The following RNF213 variants were observed in gnomAD, a reference collection of about 807,000 sequenced individuals.
RNF213 encodes E3 ubiquitin-protein ligase RNF213.
In RNF213, 341 loss-of-function variants were observed where a neutral mutation model predicts 514.4. The ratio of observed to expected loss-of-function variants is 0.66; its 90% CI spans 0.61 to 0.73. The LOEUF is 0.73. Ranked by LOEUF, RNF213 falls within the 30% of genes least tolerant of loss-of-function variation. The pLI is 0.00. For synonymous variants in RNF213, 2,655 were observed against 2,658.2 expected, an observed-to-expected ratio of 1.00 and a Z score of 0.04; for missense variants, 5,767 against 6,615.6, an observed-to-expected ratio of 0.87 and a Z score of 4.45.
chr17:80,384,925 A>T, intron 59 of RNF213, 114 bp from the exon 60 acceptor site: 1 of 1,115,370 alleles, frequency 9.0e-7, no homozygotes, highest in Non-Finnish European at 1.3e-6. Flanking sequence ...AGGAAATGAC[A>T]CTGACCAGAT....
chr17:80,383,457 G>A (rs2080104388), intron 58 of RNF213, among the ~76,000 whole-genome samples: 1 of 152,136 alleles, frequency 6.6e-6, no homozygotes, highest in Non-Finnish European at 1.5e-5. Flanking sequence ...GTTAGTAAGA[G>A]AAATATAGGT....
rs544573928 is a variant in RNF213 at position 80,359,639 on chromosome 17, GAGAA to G, written c.11055-412_11055-409del. 3.6e-4 allele frequency among the ~76,000 whole-genome samples: 55 copies of G among 151,432 alleles called. No individual in the cohort carries two copies. In the South Asian group the frequency reaches 4.6e-3, roughly 13 times the overall value. On this transcript the variant is annotated intron_variant, in intron 37 of 67. Coordinates refer to ENST00000582970, the MANE Select transcript of RNF213 (RefSeq NM_001256071.3). ...AAGAAAGTAAAGAAAGAAAGAGTGAGAGAAAGAAAGAAATGGAATTTGAATTGCC... is the reference window on the plus strand; with the variant it reads ...AAGAAAGTAAAGAAAGAAAGAGTGAGAGAAAGAAATGGAATTTGAATTGCC...
chr17:80,325,764 G>A (rs1015452829), intron 18 of RNF213, among the ~76,000 whole-genome samples: 2 of 151,972 alleles, frequency 1.3e-5, no homozygotes, highest in Non-Finnish European at 2.9e-5. Flanking sequence ...TCCAGTTGGC[G>A]TGTGAGACCT....
chr17:80,355,523 A>G (rs1025360595), intron 36 of RNF213, among the ~76,000 whole-genome samples: 8 of 7,680 alleles, frequency 1.0e-3, no homozygotes, highest in Non-Finnish European at 1.5e-3. Flanking sequence ...GGGGGCTTAC[A>G]GGGGGAAGAA....
intron 2 of RNF213, 70 bp from the exon 3 acceptor site, chr17:80,273,171 G>T (rs2043884431): frequency 6.3e-7 from 1 of 1,592,410 alleles, no homozygotes; most frequent in Non-Finnish European, 8.6e-7. Flanking sequence ...TCGTGGGGAG[G>T]ATTTCTGTTT....
intron 17 of RNF213, chr17:80,320,147 A>G (rs2046091337): frequency 2.3e-6 from 1 of 436,268 alleles, no homozygotes; most frequent in Non-Finnish European, 3.1e-6. Context: ...ATCACTTCAA[A>G]GAGAAACCCG....
chr17:80,271,933 T>C (rs954811161), intron 2 of RNF213, among the ~76,000 whole-genome samples: 4 of 150,510 alleles, frequency 2.7e-5, no homozygotes, highest in African/African-American at 9.8e-5. Flanking sequence ...TGAGCCGAGA[T>C]TGCACCACTG....
rs929203425 is a variant in RNF213, at chr17:80,398,655, G to A, written c.*5157G>A. ...AGAACAGCAGCATAAGTGGCTGGCA[G>A]AGGCAAGGAAAGACCAGCAGAGAGA... On this transcript the variant is annotated 3_prime_UTR_variant, in exon 68 of 68. Transcript: ENST00000582970. 1 of 145,258 alleles carries A rather than the reference G, an allele frequency of 6.9e-6. No individual in the cohort carries two copies. Among genetic ancestry groups the A allele is most frequent in the African/African-American group, 2.6e-5 (1 of 38,674 alleles). 9.0% of individuals were successfully genotyped at this position (145,258 alleles called of 1,614,324 possible).
At chr17:80,363,010 T>C in intron 39 of RNF213, 92 bp from the exon 40 acceptor site, 2 of 1,231,410 alleles carry the variant, frequency 1.6e-6, no homozygotes, top group South Asian at 1.3e-5. Context: ...ATTTCCTCTT[T>C]TATGGTTTTC....
chr17:80,328,414 A>T lies in RNF213; in HGVS notation c.3454A>T (p.Lys1152Ter). The T allele has an allele frequency of 6.5e-7, 1 of 1,537,226 alleles. No individual in the cohort carries two copies. Among genetic ancestry groups the T allele is most frequent in the Non-Finnish European group, 8.7e-7 (1 of 1,146,892 alleles). ...WRREELLLLK[K>*]EKRCVDSLLK... ...AAGGGAGGAACTGTTACTTCTAAAGAAAGAGAAAAGATGTGTTGATAGTCT... is the reference window on the plus strand; with the variant it reads ...AAGGGAGGAACTGTTACTTCTAAAGTAAGAGAAAAGATGTGTTGATAGTCT... The change falls in exon 20 of 68, where the codon AAA becomes TAA. Residue 1152 changes from lysine to a stop codon, truncating the protein, a stop_gained. Transcript: ENST00000582970. LOFTEE classifies it high-confidence loss of function.
At position 80,343,402 on chromosome 17, in the gene RNF213, G is replaced by A. The variant is rs557592175; in HGVS notation, c.6183+77G>A. 9.0e-5 allele frequency: 113 copies of A among 1,261,988 alleles called. 1 individual carries two copies. In the South Asian group the frequency reaches 1.0e-3, roughly 11 times the overall value. 78.2% of individuals were successfully genotyped at this position (1,261,988 alleles called of 1,614,324 possible). On this transcript the variant is annotated intron_variant, in intron 27 of 67. Transcript: ENST00000582970. This position sits in a 1 kb window ranked among gnomAD's most constrained non-coding sequence, Gnocchi z 4.3. ...CCATGTCTCTGCGTGACTCCTCCCC[G>A]TGTATAGAATTCCTTGTTTCCACAC... is the stretch of plus-strand genomic sequence containing the variant.
At chr17:80,383,202 C>G (rs1010420269) in intron 58 of RNF213, 132 bp downstream of exon 58, 2 of 704,040 alleles carry the variant, frequency 2.8e-6, no homozygotes, top group African/African-American at 3.5e-5. Flanking sequence ...GCCCCAGATT[C>G]CAATGCTCCC....
At chr17:80,277,803 C>G (rs575962444) in intron 3 of RNF213, among the ~76,000 whole-genome samples, 1 of 152,128 alleles carries the variant, frequency 6.6e-6, no homozygotes, top group Non-Finnish European at 1.5e-5. Context: ...GCGCAGACGC[C>G]GCATTCTAAC....
Position 80,339,591 on chromosome 17 carries a change from T to G in RNF213, c.5224T>G (p.Leu1742Val). The change falls in exon 26 of 68, where the codon TTA becomes GTA. Residue 1742 changes from leucine to valine, a missense_variant. By Grantham distance (32) the Leu-to-Val change is conservative. Transcript: ENST00000582970. ...IKSNCTLRDV[L>V]RASVGCGSEA... ...AAGCAACTGCACCCTGAGGGATGTC[T>G]TAAGGGCCTCTGTGGGGTGTGGGAG... 6.5e-7 allele frequency: 1 copy of G among 1,537,172 alleles called. No homozygotes were observed. The highest frequency in any genetic ancestry group is 8.7e-7 in the Non-Finnish European group (1 of 1,146,886).
Position 80,317,748 on chromosome 17 carries a change from C to T in RNF213, c.2901+471C>T, listed in dbSNP as rs929107026. ...GCATGTTACAGTGCTCTCTTAGCTC[C>T]GCCGTCTATGGACAGTAGTGTGTTA... On this transcript the variant is annotated intron_variant, in intron 16 of 67. Transcript: ENST00000582970. The surrounding 1 kb of genome is among the most constrained non-coding windows in gnomAD (Gnocchi z 4.1). Among the ~76,000 whole-genome samples, 7 of 152,316 alleles carry T rather than the reference C, an allele frequency of 4.6e-5. No individual in the cohort carries two copies. The South Asian group carries it at 8.3e-4, about 18-fold the overall frequency.
intron 15 of RNF213, among the ~76,000 whole-genome samples, chr17:80,315,095 G>A: frequency 1.2e-4 from 1 of 8,084 alleles, no homozygotes; most frequent in Non-Finnish European, 2.1e-4. Flanking sequence ...TGGAGGTAAT[G>A]GAGGTGATGG....
intron 65 of RNF213, 61 bp from the exon 66 acceptor site, chr17:80,389,767 C>G (rs2080387929): frequency 7.1e-7 from 1 of 1,404,356 alleles, no homozygotes. Context: ...CTCCCTGGTG[C>G]ACGACATGAG....
At chr17:80,266,168 G>A (rs2043604752) in intron 2 of RNF213, among the ~76,000 whole-genome samples, 1 of 151,918 alleles carries the variant, frequency 6.6e-6, no homozygotes, top group South Asian at 2.1e-4. Flanking sequence ...CTTACTAGGC[G>A]TGGTGGTTCA....
intron 14 of RNF213, among the ~76,000 whole-genome samples, chr17:80,309,462 A>G (rs1381928721): frequency 6.6e-6 from 1 of 152,156 alleles, no homozygotes; most frequent in African/African-American, 2.4e-5. Flanking sequence ...GAGCTGGCGC[A>G]GGGGCTGGGG....
Sources: allele counts gnomAD v4.1 joint callset (sites outside exome capture counted in the v4.1 genomes callset), GRCh38; gene constraint gnomAD v4.1.1; non-coding constraint Gnocchi (gnomAD v3.1); transcripts MANE v1.5; gene names NCBI Gene and HGNC (gene_info 2026-07-23, HGNC 2026-07-21).